PARP6: variants seen among roughly 807,000 people sequenced by gnomAD.
The protein encoded by PARP6 is poly(ADP-ribose) polymerase family member 6, also known as protein mono-ADP-ribosyltransferase PARP6.
In PARP6, 27 loss-of-function variants were observed where a neutral mutation model predicts 92.0. That is an observed-to-expected ratio of 0.29 (90% CI 0.22 to 0.40). The LOEUF is 0.40. Ranked by LOEUF, PARP6 falls within the 10% of genes least tolerant of loss-of-function variation. The pLI, the probability that PARP6 is intolerant of heterozygous loss-of-function variation, is 1.00. For missense variants in PARP6, 501 were observed against 784.5 expected, an observed-to-expected ratio of 0.64 and a Z score of 4.32; for synonymous variants, 272 against 281.2, an observed-to-expected ratio of 0.97 and a Z score of 0.33.
chr15:72,260,078 T>C (rs1301005698), intron 10 of PARP6, among the ~76,000 whole-genome samples: 1 of 152,176 alleles, frequency 6.6e-6, no homozygotes, highest in East Asian at 1.9e-4. Flanking sequence ...TCCCAGCACT[T>C]TGGGAGGTGA....
At position 72,254,604 on chromosome 15, in the gene PARP6, CAAAA is replaced by C. The variant is rs1384203747; in HGVS notation, c.1126-88_1126-85del. ...TGTGATGAAAAGGGGCTAGATGTAC[CAAAA>C]AAGTCTAGGCCCTAGGAAACAATAG... On this transcript the variant is annotated intron_variant, in intron 14 of 23. Coordinates refer to ENST00000569795, the MANE Select transcript of PARP6 (RefSeq NM_001323532.2). 8.8e-6 allele frequency: 9 copies of C among 1,026,482 alleles called. No homozygotes were observed. In the Admixed American group the frequency reaches 1.8e-4, roughly 20 times the overall value. The allele number at this position is 1,026,482 out of a possible 1,614,324, so 63.6% of individuals were successfully genotyped here.
rs138486907 is a variant in PARP6, at chr15:72,266,721, G to A, written c.81+24C>T. 485 of 1,550,536 alleles carry A rather than the reference G, an allele frequency of 3.1e-4. No homozygotes were observed. The African/African-American group carries it at 6.1e-3, about 19-fold the overall frequency. ...CACATATCTAGACCATCCAACACGG[G>A]GGTCTTGGGAGATGTAACCTCACCT... On this transcript the variant is annotated intron_variant, in intron 4 of 23. Coordinates refer to ENST00000569795, the MANE Select transcript of PARP6 (RefSeq NM_001323532.2).
Position 72,253,475 on chromosome 15 carries a change from CATCT to C in PARP6, c.1217_1220del (p.Gln406ArgfsTer31). On this transcript the variant is annotated frameshift_variant, in exon 16 of 24. Coordinates refer to ENST00000569795, the MANE Select transcript of PARP6 (RefSeq NM_001323532.2). LOFTEE classifies it high-confidence loss of function. ...GATGGGCCAGGGGATCCAACTTGTC[CATCT>C]GTTTCTTGATTTCCAAATATGAGCC... is the stretch of plus-strand genomic sequence containing the variant. 6.2e-7 allele frequency: 1 copy of C among 1,613,926 alleles called. No individual in the cohort carries two copies. The highest frequency in any genetic ancestry group is 8.5e-7 in the Non-Finnish European group (1 of 1,179,856).
At chr15:72,266,887 G>T in intron 3 of PARP6, 65 bp from the exon 4 acceptor site, 1 of 1,224,186 alleles carries the variant, frequency 8.2e-7, no homozygotes, top group Non-Finnish European at 1.2e-6. Context: ...AAAGGCGTGG[G>T]ATGATATGGT....
intron 4 of PARP6, among the ~76,000 whole-genome samples, chr15:72,266,441 G>T (rs1046669840): frequency 1.3e-5 from 2 of 152,150 alleles, no homozygotes; most frequent in African/African-American, 4.8e-5. Context: ...AATCTTTTAA[G>T]ATGTGACCCT....
intron 17 of PARP6, 63 bp from the exon 18 acceptor site, chr15:72,251,017 G>A (rs991273512): frequency 2.3e-6 from 3 of 1,280,166 alleles, no homozygotes; most frequent in East Asian, 2.4e-5. Context: ...AGGGAGGGAA[G>A]GGTTGGGGAT....
In PARP6 at chr15:72,271,280, T is replaced by G. The variant is rs1032749695; in HGVS notation, c.-452A>C. ...TTTCCAAGGGCTGTTGCTGCTTGGTTTCTGTTGCTATCACAAGGAGAAAAA... is the reference window on the plus strand; with the variant it reads ...TTTCCAAGGGCTGTTGCTGCTTGGTGTCTGTTGCTATCACAAGGAGAAAAA... On this transcript the variant is annotated 5_prime_UTR_variant, in exon 2 of 24. Transcript: ENST00000569795. 1 of 152,206 alleles carries G rather than the reference T, an allele frequency of 6.6e-6. No individual in the cohort carries two copies. The highest frequency in any genetic ancestry group is 2.4e-5 in the African/African-American group (1 of 41,450). 9.4% of individuals were successfully genotyped at this position (152,206 alleles called of 1,614,324 possible).
chr15:72,263,664 C>G (rs1050560991), intron 8 of PARP6, among the ~76,000 whole-genome samples: 3 of 152,056 alleles, frequency 2.0e-5, no homozygotes, highest in Admixed American at 2.0e-4. Flanking sequence ...GTGACTAAGC[C>G]CCTGCAAATG....
At position 72,263,533 on chromosome 15, in the gene PARP6, TC is replaced by T. The variant is rs547293292; in HGVS notation, c.395+1021del. The stretch of plus-strand genomic sequence containing the variant: ...GTTCACACTGCCTAAAGGATAAAAG[TC>T]CAAGATCCTCTCTAACTTGAACCCT... On this transcript the variant is annotated intron_variant, in intron 8 of 23. Transcript: ENST00000569795. Among the ~76,000 whole-genome samples, 10 of 152,274 alleles carry T rather than the reference TC, an allele frequency of 6.6e-5. No homozygotes were observed. In the South Asian group the frequency reaches 2.1e-3, roughly 32 times the overall value.
At position 72,266,121 on chromosome 15, in the gene PARP6, C is replaced by G. The variant is rs1428680958; in HGVS notation, c.82-130G>C. On this transcript the variant is annotated intron_variant, in intron 4 of 23. Coordinates refer to ENST00000569795, the MANE Select transcript of PARP6 (RefSeq NM_001323532.2). Reference sequence around the variant, plus strand: ...GACAGCAGTATAGGGGAAGTAAAAGCCACTTATGTGAAGGGGTTCTCAGTG... The same window carrying G: ...GACAGCAGTATAGGGGAAGTAAAAGGCACTTATGTGAAGGGGTTCTCAGTG... The G allele has an allele frequency of 4.3e-6, 3 of 691,928 alleles. No homozygotes were observed. The East Asian group carries it at 8.1e-5, about 19-fold the overall frequency. 42.9% of individuals were successfully genotyped at this position (691,928 alleles called of 1,614,324 possible).
intron 13 of PARP6, 69 bp downstream of exon 13, chr15:72,257,279 G>T (rs2085266745): frequency 1.8e-6 from 2 of 1,101,024 alleles, no homozygotes; most frequent in South Asian, 1.3e-5. Flanking sequence ...TAAATTCCAA[G>T]AATGAAATTG....
rs759166628 is a variant in PARP6, at chr15:72,257,408, G to A, written c.939C>T (p.Phe313=). ...ACATGACGCCCAGTGTGTAGAAGGA[G>A]AAAACGCATAGTTCACGAGTACAGA... ...PAVCTRELCV[F]SFYTLGVMSG... The change falls in exon 13 of 24, where the codon TTC becomes TTT. Residue 313 remains phenylalanine, a synonymous_variant. Transcript: ENST00000569795. 8 of 1,614,046 alleles carry A rather than the reference G, an allele frequency of 5.0e-6. No individual in the cohort carries two copies. The African/African-American group carries it at 6.7e-5, about 13-fold the overall frequency.
Position 72,241,281 on chromosome 15 carries a change from G to T in PARP6, c.*174C>A. ...AGTCAGTCTGGGCCATCCGAATGTG[G>T]AGTAGTTCTTGGGTCAAGCTCTACC... On this transcript the variant is annotated 3_prime_UTR_variant, in exon 24 of 24. Transcript: ENST00000569795. This position sits in a 1 kb window ranked among gnomAD's most constrained non-coding sequence, Gnocchi z 4.1. The T allele has an allele frequency of 1.4e-6, 1 of 696,636 alleles. No homozygotes were observed. The highest frequency in any genetic ancestry group is 1.5e-5 in the South Asian group (1 of 66,704). The allele number at this position is 696,636 out of a possible 1,614,324, so 43.2% of individuals were successfully genotyped here.
chr15:72,243,693 C>G (rs1306300359), intron 20 of PARP6: 2 of 152,206 alleles, frequency 1.3e-5, no homozygotes, highest in Non-Finnish European at 2.9e-5. Context: ...CGTTAAGTCT[C>G]TGTACTCAGC....
In PARP6 at chr15:72,241,797, G is replaced by A; in HGVS notation, c.1790+104C>T. 2 of 901,992 alleles carry A rather than the reference G, an allele frequency of 2.2e-6. No individual in the cohort carries two copies. The highest frequency in any genetic ancestry group is 2.8e-5 in the South Asian group (2 of 72,550). The allele number at this position is 901,992 out of a possible 1,614,324, so 55.9% of individuals were successfully genotyped here. ...GTGACAGCTCCACTCAGGTAGCCAA[G>A]GACATGTCTCAGATAACAGAAATAG... On this transcript the variant is annotated intron_variant, in intron 23 of 23. Coordinates refer to ENST00000569795, the MANE Select transcript of PARP6 (RefSeq NM_001323532.2). The surrounding 1 kb of genome is among the most constrained non-coding windows in gnomAD (Gnocchi z 4.1).
chr15:72,246,442 C>T (rs1340807956), intron 20 of PARP6, among the ~76,000 whole-genome samples: 1 of 151,150 alleles, frequency 6.6e-6, no homozygotes, highest in Admixed American at 6.6e-5. Context: ...GCCACCATGC[C>T]CAGCCTCATT....
intron 3 of PARP6, 87 bp downstream of exon 3, chr15:72,267,388 G>A (rs1483236437): frequency 3.5e-6 from 5 of 1,441,980 alleles, no homozygotes; most frequent in African/African-American, 2.8e-5. Flanking sequence ...AGGGTAGAAG[G>A]GAAAATACCA....
chr15:72,248,366 G>C (rs1435487442), intron 20 of PARP6, among the ~76,000 whole-genome samples: 1 of 150,498 alleles, frequency 6.6e-6, no homozygotes, highest in East Asian at 2.0e-4. Context: ...TTTTGAGACG[G>C]GGTCTCCCTC....
In PARP6 at chr15:72,241,517, G is replaced by A; in HGVS notation, c.1831C>T (p.Gln611Ter). The stretch of plus-strand genomic sequence containing the variant: ...ATTTCCTTCTGTATCTTGGGGTCCT[G>A]AGTATTAATGTTGGCATCGCCCACC... The part of the protein sequence containing the change: ...GQVGDANINT[Q>*]DPKIQKEIMR... Residue 611 changes from glutamine to a stop codon, truncating the protein, a stop_gained, in exon 24 of 24, where the codon CAG becomes TAG. Transcript: ENST00000569795. LOFTEE classifies it high-confidence loss of function. This position sits in a 1 kb window ranked among gnomAD's most constrained non-coding sequence, Gnocchi z 4.1. 1 of 1,614,108 alleles carries A rather than the reference G, an allele frequency of 6.2e-7. No individual in the cohort carries two copies. The highest frequency in any genetic ancestry group is 8.5e-7 in the Non-Finnish European group (1 of 1,179,962).
Sources: gnomAD v4.1 joint callset for allele counts (sites outside exome capture counted in the v4.1 genomes callset) on GRCh38, gnomAD v4.1.1 for gene constraint, Gnocchi (gnomAD v3.1) non-coding constraint, MANE v1.5 for transcripts, NCBI Gene and HGNC (gene_info 2026-07-23, HGNC 2026-07-21) for gene names.